Variants in GNG7 observed in about 807,000 individuals in gnomAD.
The protein encoded by GNG7 is guanine nucleotide-binding protein G(I)/G(S)/G(O) subunit gamma-7.
GNG7 carries 1 observed loss-of-function variant against 4.0 expected under a neutral mutation model. The ratio of observed to expected loss-of-function variants is 0.25; its 90% CI spans 0.09 to 1.18. The LOEUF is 1.18. Among genes scored for constraint, GNG7 ranks in the 50% most tolerant of loss-of-function variants. The pLI is 0.50. For missense variants in GNG7, 86 were observed against 91.9 expected, an observed-to-expected ratio of 0.94 and a Z score of 0.26; for synonymous variants, 34 against 36.9, an observed-to-expected ratio of 0.92 and a Z score of 0.29.
At chr19:2,549,171 G>A (rs956234456) in intron 3 of GNG7, among the ~76,000 whole-genome samples, 3 of 152,156 alleles carry the variant, frequency 2.0e-5, no homozygotes, top group South Asian at 4.1e-4. Context: ...CTGGCTCAAC[G>A]CTCGACGCTC....
Position 2,513,377 on chromosome 19 carries a change from G to T in GNG7, c.*1645C>A. On this transcript the variant is annotated 3_prime_UTR_variant, in exon 5 of 5. Transcript: ENST00000382159. ...CAGCCCCGTGGAGGGGGTCGGGGCG[G>T]CCAGGCCTCCTGCGATCAGGGCTGC... 1.9e-6 allele frequency: 1 copy of T among 530,358 alleles called. No individual in the cohort carries two copies. The highest frequency in any genetic ancestry group is 2.4e-6 in the Non-Finnish European group (1 of 414,158). 32.9% of individuals were successfully genotyped at this position (530,358 alleles called of 1,614,324 possible). A position where few individuals can be genotyped will look rare whatever the true frequency, so the allele number is the denominator to read the frequency against.
intron 2 of GNG7, among the ~76,000 whole-genome samples, chr19:2,585,176 G>A (rs1324560728): frequency 6.6e-6 from 1 of 152,058 alleles, no homozygotes; most frequent in Non-Finnish European, 1.5e-5. Flanking sequence ...AAGATCTTTA[G>A]GGTTAATGGG....
In GNG7 at chr19:2,612,511, C is replaced by T. The variant is rs535542859; in HGVS notation, c.-78+33713G>A. On this transcript the variant is annotated intron_variant, in intron 2 of 4. Coordinates refer to ENST00000382159, the MANE Select transcript of GNG7 (RefSeq NM_052847.3). The stretch of plus-strand genomic sequence containing the variant: ...AGTGAGAAGACTGAAGCCAGGACCC[C>T]CCCCAGGCAGGACCCAGGCTCCCAC... Among the ~76,000 whole-genome samples the T allele has an allele frequency of 1.6e-3, 239 of 152,162 alleles. 8 individuals carry two copies. In the South Asian group the frequency reaches 0.03, roughly 19 times the overall value.
chr19:2,566,528 G>A (rs949400744), intron 2 of GNG7, among the ~76,000 whole-genome samples: 47 of 152,194 alleles, frequency 3.1e-4, no homozygotes, highest in Non-Finnish European at 6.6e-4. Context: ...GCCTGGCTCC[G>A]GGGGAAGGGT....
intron 2 of GNG7, chr19:2,641,963 C>A (rs1982520305): frequency 6.6e-6 from 1 of 152,382 alleles, no homozygotes; most frequent in Admixed American, 6.5e-5. Flanking sequence ...CCGCGCCTGG[C>A]CCTACGTTAG....
chr19:2,683,818 G>C (rs568171004), intron 1 of GNG7: 2 of 152,370 alleles, frequency 1.3e-5, no homozygotes, highest in Non-Finnish European at 2.9e-5. Context: ...GGGCCAGCTC[G>C]GGCAGGGACG....
rs1373633322 is a variant in GNG7, at chr19:2,633,495, A to ACGCGCGCG, written c.-78+12728_-78+12729insCGCGCGCG. On this transcript the variant is annotated intron_variant, in intron 2 of 4. Coordinates refer to ENST00000382159, the MANE Select transcript of GNG7 (RefSeq NM_052847.3). This position sits in a 1 kb window ranked among gnomAD's most constrained non-coding sequence, Gnocchi z 5.9. The stretch of plus-strand genomic sequence containing the variant: ...GGCGCGCGCGCGCGCGCGCACACAC[A>ACGCGCGCG]CACACACACACACACACACACACAC... Among the ~76,000 whole-genome samples, 16 of 114,506 alleles carry ACGCGCGCG rather than the reference A, an allele frequency of 1.4e-4. No individual in the cohort carries two copies. The highest frequency in any genetic ancestry group is 5.8e-4 in the African/African-American group (16 of 27,530). The allele number at this position is 114,506 out of a possible 152,430, so 75.1% of individuals were successfully genotyped here.
At chr19:2,674,771 G>A (rs1383229748) in intron 1 of GNG7, among the ~76,000 whole-genome samples, 2 of 152,150 alleles carry the variant, frequency 1.3e-5, no homozygotes, top group East Asian at 3.9e-4. Context: ...GAGGACACCT[G>A]CTGAGATGCA....
intron 2 of GNG7, among the ~76,000 whole-genome samples, chr19:2,607,591 A>G (rs1266869288): frequency 1.8e-5 from 1 of 55,048 alleles, no homozygotes; most frequent in African/African-American, 3.6e-5. Context: ...AAAGAAAGAA[A>G]AGAAAAAAGA....
rs1350783983 is a variant in GNG7 at position 2,702,647 on chromosome 19, T to A, written c.-136A>T. 1 of 151,106 alleles carries A rather than the reference T, an allele frequency of 6.6e-6. No homozygotes were observed. The highest frequency in any genetic ancestry group is 2.4e-5 in the African/African-American group (1 of 41,212). 9.4% of individuals were successfully genotyped at this position (151,106 alleles called of 1,614,324 possible). ...GGCCCGGTTCGCGGGCGCCCTTACC[T>A]GCGCTCGGGCCCCGCGGCCGCCTCA... On this transcript the variant is annotated splice_region_variant and 5_prime_UTR_variant, in exon 1 of 5. Coordinates refer to ENST00000382159, the MANE Select transcript of GNG7 (RefSeq NM_052847.3).
At chr19:2,587,519 C>T (rs537350107) in intron 2 of GNG7, among the ~76,000 whole-genome samples, 44 of 152,216 alleles carry the variant, frequency 2.9e-4, no homozygotes, top group Admixed American at 2.7e-3. Flanking sequence ...AGGCTCTGGC[C>T]GGTGAGGACA....
chr19:2,649,041 A>G (rs1463510496), intron 1 of GNG7, among the ~76,000 whole-genome samples: 2 of 151,228 alleles, frequency 1.3e-5, no homozygotes, highest in African/African-American at 4.9e-5. Flanking sequence ...GGTGGGCATC[A>G]CTGTTGTAGT....
At chr19:2,599,247 C>T (rs1981127271) in intron 2 of GNG7, among the ~76,000 whole-genome samples, 1 of 152,054 alleles carries the variant, frequency 6.6e-6, no homozygotes, top group Non-Finnish European at 1.5e-5. Flanking sequence ...ACTTTCCCCT[C>T]GCTGACTTGG....
intron 3 of GNG7, among the ~76,000 whole-genome samples, chr19:2,521,612 GT>G (rs71178284): frequency 8.6e-5 from 9 of 104,690 alleles, no homozygotes; most frequent in African/African-American, 7.8e-5. Context: ...CCCCCTCCGT[GT>G]TTTTTTTTTT....
chr19:2,672,572 G>C (rs375105614), intron 1 of GNG7, among the ~76,000 whole-genome samples: 5 of 151,870 alleles, frequency 3.3e-5, no homozygotes, highest in Admixed American at 1.3e-4. Flanking sequence ...TCAGCCTCCT[G>C]AGTAGCTGGG....
intron 2 of GNG7, among the ~76,000 whole-genome samples, chr19:2,567,832 G>A (rs1568246482): frequency 6.6e-6 from 1 of 152,158 alleles, no homozygotes; most frequent in Non-Finnish European, 1.5e-5. Flanking sequence ...ACTCCGACGG[G>A]GGCAGGGCAA....
intron 4 of GNG7, among the ~76,000 whole-genome samples, chr19:2,517,971 C>T (rs896982644): frequency 2.6e-5 from 4 of 152,156 alleles, no homozygotes; most frequent in Non-Finnish European, 5.9e-5. Context: ...CCGCCGGCTG[C>T]GGCCTGTGAT....
chr19:2,607,042 G>A (rs1009141162), intron 2 of GNG7, among the ~76,000 whole-genome samples: 10 of 151,682 alleles, frequency 6.6e-5, no homozygotes, highest in East Asian at 1.9e-4. Flanking sequence ...GCAACACAGC[G>A]AGACCCTGTC....
At chr19:2,674,849 C>G (rs896396346) in intron 1 of GNG7, among the ~76,000 whole-genome samples, 2 of 152,154 alleles carry the variant, frequency 1.3e-5, no homozygotes, top group Non-Finnish European at 2.9e-5. Context: ...TTTCCACCCT[C>G]GACAGCGCCG....
Sources: allele counts gnomAD v4.1 joint callset (sites outside exome capture counted in the v4.1 genomes callset), GRCh38; gene constraint gnomAD v4.1.1; non-coding constraint Gnocchi (gnomAD v3.1); transcripts MANE v1.5; gene names NCBI Gene and HGNC (gene_info 2026-07-23, HGNC 2026-07-21).